Variants in STAU2 observed in about 807,000 individuals in gnomAD.
STAU2 encodes the protein double-stranded RNA-binding protein Staufen homolog 2.
Under a neutral mutation model 65.9 loss-of-function variants are expected in STAU2, and 20 were observed. The observed-to-expected ratio is 0.30, with a 90% confidence interval of 0.21 to 0.44. The LOEUF (loss-of-function observed/expected upper bound fraction) is 0.44. Ranked by LOEUF, STAU2 falls within the 20% of genes least tolerant of loss-of-function variation. STAU2 has a pLI of 1.00. For synonymous variants in STAU2, 232 were observed against 233.9 expected (o/e 0.99, Z 0.07); for missense variants, 558 against 683.9 (o/e 0.82, Z 2.05).
chr8:73,535,977 T>A (rs35834375), intron 13 of STAU2, among the ~76,000 whole-genome samples: 55,054 of 151,926 alleles, frequency 0.36, 11,117 homozygotes, highest in Non-Finnish European at 0.45. Context: ...TTAATTTTTT[T>A]AAAAAAAATA....
At chr8:73,683,937 A>G (rs1218745760) in intron 5 of STAU2, among the ~76,000 whole-genome samples, 3 of 152,164 alleles carry the variant, frequency 2.0e-5, no homozygotes, top group Non-Finnish European at 4.4e-5. Flanking sequence ...AAACTACAAA[A>G]CACTGCTGAA....
chr8:73,462,796 ATG>A (rs1046396099), intron 13 of STAU2, among the ~76,000 whole-genome samples: 7 of 152,156 alleles, frequency 4.6e-5, no homozygotes, highest in East Asian at 1.9e-4. Context: ...ATGCCAAAAT[ATG>A]TGTTAGTCAA....
At chr8:73,540,216 A>C (rs34207938) in intron 13 of STAU2, among the ~76,000 whole-genome samples, 8,627 of 152,282 alleles carry the variant, frequency 0.057, 254 homozygotes, top group African/African-American at 0.087. Flanking sequence ...GGTAGACTCG[A>C]AATCTAATAA....
chr8:73,533,562 A>G (rs1402184917), intron 13 of STAU2, among the ~76,000 whole-genome samples: 1 of 152,188 alleles, frequency 6.6e-6, no homozygotes, highest in Non-Finnish European at 1.5e-5. Context: ...TGAAGGGAAA[A>G]TCAGGAAGTA....
chr8:73,472,310 T>C (rs1820079633), intron 13 of STAU2, among the ~76,000 whole-genome samples: 1 of 152,144 alleles, frequency 6.6e-6, no homozygotes, highest in African/African-American at 2.4e-5. Context: ...GAATTATACA[T>C]GGTAACTGAG....
intron 13 of STAU2, chr8:73,439,152 T>C: frequency 2.4e-6 from 1 of 413,868 alleles, no homozygotes; most frequent in East Asian, 7.1e-5. Flanking sequence ...TCACTAAGTG[T>C]AGCATCTGTT....
intron 6 of STAU2, among the ~76,000 whole-genome samples, chr8:73,621,467 G>A (rs1813229028): frequency 6.6e-6 from 1 of 152,102 alleles, no homozygotes; most frequent in South Asian, 2.1e-4. Flanking sequence ...TAACACAGTA[G>A]GTATAATAAG....
chr8:73,514,137 C>CT (rs1355030585), intron 13 of STAU2, among the ~76,000 whole-genome samples: 1 of 152,098 alleles, frequency 6.6e-6, no homozygotes. Context: ...TTGTTAAGAG[C>CT]TTTTTTTCAC....
chr8:73,447,518 T>C (rs1438854400), intron 13 of STAU2, among the ~76,000 whole-genome samples: 1 of 152,268 alleles, frequency 6.6e-6, no homozygotes, highest in East Asian at 1.9e-4. Flanking sequence ...TGGATATTCC[T>C]CTACAAACAT....
At chr8:73,513,153 T>C (rs1301690136) in intron 13 of STAU2, among the ~76,000 whole-genome samples, 1 of 152,234 alleles carries the variant, frequency 6.6e-6, no homozygotes, top group African/African-American at 2.4e-5. Flanking sequence ...ATTTTTATGT[T>C]CTTCCCTCGG....
chr8:73,551,793 A>G (rs1369226570), intron 13 of STAU2: 1 of 1,210,552 alleles, frequency 8.3e-7, no homozygotes, highest in African/African-American at 1.6e-5. Flanking sequence ...AATGGAGAAG[A>G]GACAGGCAGC....
At chr8:73,673,777 C>T (rs1256480477) in intron 5 of STAU2, among the ~76,000 whole-genome samples, 1 of 151,880 alleles carries the variant, frequency 6.6e-6, no homozygotes. Flanking sequence ...AAAATGTCAT[C>T]GAATATATTC....
rs3032945 is a variant in STAU2 at position 73,593,880 on chromosome 8, T to TACAC, written c.1161+1282_1161+1285dup. Among the ~76,000 whole-genome samples the TACAC allele has an allele frequency of 3.2e-4, 48 of 150,530 alleles. No homozygotes were observed. In the South Asian group the frequency reaches 9.1e-3, roughly 29 times the overall value. On this transcript the variant is annotated intron_variant, in intron 11 of 14. Coordinates refer to ENST00000524300, the MANE Select transcript of STAU2 (RefSeq NM_001164380.2). ...ATATATACACAGACAGACACACACA[T>TACAC]ACACACACACACACACACACACACA...
rs553963459 is a variant in STAU2 at position 73,688,279 on chromosome 8, C to T, written c.274+375G>A. Among the ~76,000 whole-genome samples, 7 of 151,398 alleles carry T rather than the reference C, an allele frequency of 4.6e-5. No homozygotes were observed. In the South Asian group the frequency reaches 8.4e-4, roughly 18 times the overall value. Reference sequence around the variant, plus strand: ...GCAACCTCCATCTCCCAGATTCAAGCAATTCTCCCGCCTCAGCCTCCTGGG... The same window carrying T: ...GCAACCTCCATCTCCCAGATTCAAGTAATTCTCCCGCCTCAGCCTCCTGGG... On this transcript the variant is annotated intron_variant, in intron 5 of 14. Transcript: ENST00000524300.
rs1399792254 is a variant in STAU2, at chr8:73,532,328, C to T, written c.1530+19684G>A. On this transcript the variant is annotated intron_variant, in intron 13 of 14. Coordinates refer to ENST00000524300, the MANE Select transcript of STAU2 (RefSeq NM_001164380.2). ...GCAAAGCAGTACCTTGTGCGGGGAA[C>T]GTGCACCTGTACAGAAACTCCATTA... 2.6e-5 allele frequency among the ~76,000 whole-genome samples: 4 copies of T among 152,176 alleles called. No homozygotes were observed. In the South Asian group the frequency reaches 6.2e-4, roughly 24 times the overall value.
intron 3 of STAU2, among the ~76,000 whole-genome samples, chr8:73,724,685 A>G (rs2130723220): frequency 6.9e-6 from 1 of 145,446 alleles, no homozygotes; most frequent in East Asian, 2.0e-4. Flanking sequence ...GTATATATAT[A>G]TATATATTTT....
At chr8:73,542,761 G>A (rs1357815480) in intron 13 of STAU2, among the ~76,000 whole-genome samples, 1 of 152,106 alleles carries the variant, frequency 6.6e-6, no homozygotes, top group African/African-American at 2.4e-5. Context: ...AGATATCAAT[G>A]AGACACCATT....
intron 10 of STAU2, among the ~76,000 whole-genome samples, chr8:73,595,864 C>A (rs935084974): frequency 3.3e-5 from 5 of 152,092 alleles, no homozygotes; most frequent in Admixed American, 6.6e-5. Context: ...CAGCTGTAAT[C>A]CCACTTTGGG....
intron 13 of STAU2, among the ~76,000 whole-genome samples, chr8:73,467,747 A>C (rs980357296): frequency 6.6e-6 from 1 of 152,284 alleles, no homozygotes; most frequent in Non-Finnish European, 1.5e-5. Flanking sequence ...GTATTAGAAA[A>C]AGGTGTACCT....
Sources: allele counts gnomAD v4.1 joint callset (sites outside exome capture counted in the v4.1 genomes callset), GRCh38; gene constraint gnomAD v4.1.1; transcripts MANE v1.5; gene names NCBI Gene and HGNC (gene_info 2026-07-23, HGNC 2026-07-21).